Variants in EIF2AK2 observed in about 807,000 individuals in gnomAD.
EIF2AK2 encodes interferon-induced, double-stranded RNA-activated protein kinase.
In EIF2AK2, 40 loss-of-function variants were observed where a neutral mutation model predicts 70.5. The observed-to-expected ratio is 0.57, with a 90% CI of 0.44 to 0.74. EIF2AK2 has a LOEUF of 0.74. EIF2AK2 is among the 30% of genes least tolerant of loss of function. EIF2AK2 has a pLI of 0.00. For missense variants in EIF2AK2, 555 were observed against 644.3 expected (o/e 0.86, Z 1.50); for synonymous variants, 198 against 220.9 (o/e 0.90, Z 0.92).
intron 1 of EIF2AK2, among the ~76,000 whole-genome samples, chr2:37,150,436 AT>A (rs756515370): frequency 6.6e-6 from 1 of 151,860 alleles, no homozygotes; most frequent in African/African-American, 2.4e-5. Flanking sequence ...TTTTTTTTGC[AT>A]TTTTTTCTAC....
chr2:37,107,348 AGGTCG>A lies in EIF2AK2; in HGVS notation c.1576_1580del (p.Arg526Ter). On this transcript the variant is annotated frameshift_variant, in exon 17 of 17. Transcript: ENST00000233057. LOFTEE classifies it low-confidence loss of function (END_TRUNC). Reference sequence around the variant, plus strand: ...AGGTCCTTAGTATTTCAGATGTGTTAGGTCGATCCTCAGGTTTCTTTGAGAGTAAT... The same window carrying A: ...AGGTCCTTAGTATTTCAGATGTGTTAATCCTCAGGTTTCTTTGAGAGTAAT... 6.2e-7 allele frequency: 1 copy of A among 1,614,000 alleles called. No individual in the cohort carries two copies.
chr2:37,139,501 C>T (rs1183146593), intron 6 of EIF2AK2, 130 bp downstream of exon 6: 11 of 1,319,122 alleles, frequency 8.3e-6, no homozygotes, highest in East Asian at 4.7e-5. Context: ...CTCATCGGTA[C>T]GACACAGAAT....
intron 1 of EIF2AK2, among the ~76,000 whole-genome samples, chr2:37,155,939 C>CAA (rs756767460): frequency 3.9e-4 from 43 of 110,806 alleles, no homozygotes; most frequent in African/African-American, 1.4e-3. Context: ...GAATCTGTCT[C>CAA]AAAAAAAAAA....
intron 1 of EIF2AK2, among the ~76,000 whole-genome samples, chr2:37,150,896 T>A (rs1389790438): frequency 6.6e-6 from 1 of 152,184 alleles, no homozygotes; most frequent in East Asian, 1.9e-4. Context: ...AGACCTCTGT[T>A]TATAGGTCTC....
At chr2:37,116,080 G>A (rs966976464) in intron 13 of EIF2AK2, among the ~76,000 whole-genome samples, 1 of 151,876 alleles carries the variant, frequency 6.6e-6, no homozygotes, top group Non-Finnish European at 1.5e-5. Context: ...TGTATTTTTA[G>A]TAGAGACAGA....
chr2:37,117,336 G>A (rs1292015599), intron 13 of EIF2AK2, among the ~76,000 whole-genome samples: 2 of 152,068 alleles, frequency 1.3e-5, no homozygotes, highest in East Asian at 1.9e-4. Context: ...TCAGGAGTTC[G>A]AGACCAACCA....
rs775424182 is a variant in EIF2AK2 at position 37,100,591 on chromosome 2, T to C, written c.*6682A>G. 6.6e-6 allele frequency: 1 copy of C among 152,246 alleles called. No homozygotes were observed. The highest frequency in any genetic ancestry group is 2.4e-5 in the African/African-American group (1 of 41,466). 9.4% of individuals were successfully genotyped at this position (152,246 alleles called of 1,614,324 possible). On this transcript the variant is annotated 3_prime_UTR_variant, in exon 17 of 17. Coordinates refer to ENST00000233057, the MANE Select transcript of EIF2AK2 (RefSeq NM_001135651.3). ...TGTGATTCCCTTCATCTATGACTAT[T>C]TTTAAGAAATGTAAGATTTGGATAA... is the stretch of plus-strand genomic sequence containing the variant.
Position 37,114,671 on chromosome 2 carries a change from C to A in EIF2AK2, c.1377+60G>T, listed in dbSNP as rs992108572. The A allele has an allele frequency of 4.9e-6, 7 of 1,419,830 alleles. No homozygotes were observed. The Admixed American group carries it at 1.6e-4, about 32-fold the overall frequency. The allele number at this position is 1,419,830 out of a possible 1,614,324, so 88.0% of individuals were successfully genotyped here. A position where few individuals can be genotyped will look rare whatever the true frequency, so the allele number is the denominator to read the frequency against. On this transcript the variant is annotated intron_variant, in intron 14 of 16. Coordinates refer to ENST00000233057, the MANE Select transcript of EIF2AK2 (RefSeq NM_001135651.3). The stretch of plus-strand genomic sequence containing the variant: ...TTTAATTATATAAGTAGTGTCTACT[C>A]TTTTTATAATTTTCAAAATAAAAGA...
rs2148659594 is a variant in EIF2AK2, at chr2:37,104,674, C to T, written c.*2599G>A. On this transcript the variant is annotated 3_prime_UTR_variant, in exon 17 of 17. Coordinates refer to ENST00000233057, the MANE Select transcript of EIF2AK2 (RefSeq NM_001135651.3). ...TAAAGATTCAAACATTGCATTTGGT[C>T]ATTGTATCTTACAAGTCTCTCCCCT... 1 of 151,718 alleles carries T rather than the reference C, an allele frequency of 6.6e-6. No homozygotes were observed. The highest frequency in any genetic ancestry group is 6.6e-5 in the Admixed American group (1 of 15,226). 9.4% of individuals were successfully genotyped at this position (151,718 alleles called of 1,614,324 possible).
intron 2 of EIF2AK2, chr2:37,148,595 T>G: frequency 1.2e-6 from 1 of 830,774 alleles, no homozygotes; most frequent in South Asian, 1.3e-5. Flanking sequence ...CTACTATACT[T>G]GTCACACAGG....
At chr2:37,145,069 T>C (rs1463946184) in intron 4 of EIF2AK2, among the ~76,000 whole-genome samples, 1 of 151,732 alleles carries the variant, frequency 6.6e-6, no homozygotes, top group Admixed American at 6.6e-5. Context: ...GAAAAAAGCT[T>C]ATAGAATAAA....
intron 4 of EIF2AK2, among the ~76,000 whole-genome samples, chr2:37,145,754 T>G (rs865910039): frequency 3.2e-3 from 23 of 7,164 alleles, no homozygotes; most frequent in African/African-American, 5.7e-3. Context: ...TTTTTTTTTT[T>G]TTTTTTTTTT....
intron 14 of EIF2AK2, 177 bp from the exon 15 acceptor site, chr2:37,109,472 A>C: frequency 3.6e-6 from 2 of 553,852 alleles, no homozygotes; most frequent in Non-Finnish European, 6.5e-6. Context: ...CGAATAGCTG[A>C]ATCCTCTGTG....
chr2:37,136,998 T>G lies in EIF2AK2; in HGVS notation c.707A>C (p.Gln236Pro), dbSNP rs778662887. 6.2e-7 allele frequency: 1 copy of G among 1,604,698 alleles called. No individual in the cohort carries two copies. The highest frequency in any genetic ancestry group is 2.2e-5 in the East Asian group (1 of 44,588). The change falls in exon 9 of 17, where the codon CAA becomes CCA. Residue 236 changes from glutamine to proline, a missense_variant. By Grantham distance (76) the Gln-to-Pro change is moderately conservative (BLOSUM62 -1). Coordinates refer to ENST00000233057, the MANE Select transcript of EIF2AK2 (RefSeq NM_001135651.3). ...SLLMNGLRNN[Q>P]RKAKRSLAPR... ...TGATACTCACCTTTTTGCCTTCCTTTGATTATTTCTGAGACCATTCTATAA... is the reference window on the plus strand; with the variant it reads ...TGATACTCACCTTTTTGCCTTCCTTGGATTATTTCTGAGACCATTCTATAA...
chr2:37,126,512 A>G (rs1392556725), intron 10 of EIF2AK2, 101 bp from the exon 11 acceptor site: 3 of 1,481,094 alleles, frequency 2.0e-6, no homozygotes, highest in Non-Finnish European at 2.7e-6. Context: ...GAAATGGACA[A>G]TAAAACAAAT....
At chr2:37,108,655 C>T (rs900656239) in intron 15 of EIF2AK2, among the ~76,000 whole-genome samples, 2 of 152,086 alleles carry the variant, frequency 1.3e-5, no homozygotes, top group African/African-American at 4.8e-5. Flanking sequence ...CTGCAACCTC[C>T]GCCTCCCAGG....
Position 37,100,336 on chromosome 2 carries a change from C to T in EIF2AK2, c.*6937G>A, listed in dbSNP as rs1056022446. ...GCCCAGTGAATCTCATTTTAGACTT[C>T]TGGCCTCCAGAACAGAAAGAGAATA... On this transcript the variant is annotated 3_prime_UTR_variant, in exon 17 of 17. Transcript: ENST00000233057. 2 of 152,212 alleles carry T rather than the reference C, an allele frequency of 1.3e-5. No homozygotes were observed. Among genetic ancestry groups the T allele is most frequent in the African/African-American group, 4.8e-5 (2 of 41,458 alleles). The allele number at this position is 152,212 out of a possible 1,614,324, so 9.4% of individuals were successfully genotyped here.
chr2:37,127,601 G>A (rs541850875), intron 10 of EIF2AK2, among the ~76,000 whole-genome samples: 1 of 151,728 alleles, frequency 6.6e-6, no homozygotes, highest in East Asian at 1.9e-4. Flanking sequence ...CTTCCACCTA[G>A]CACCCACTGC....
At chr2:37,123,994 G>A (rs1025781300) in intron 11 of EIF2AK2, among the ~76,000 whole-genome samples, 9 of 148,066 alleles carry the variant, frequency 6.1e-5, no homozygotes, top group African/African-American at 2.3e-4. Context: ...TTTTGAGACA[G>A]GGTCTCACTC....
Sources: allele counts gnomAD v4.1 joint callset (sites outside exome capture counted in the v4.1 genomes callset), GRCh38; gene constraint gnomAD v4.1.1; transcripts MANE v1.5; gene names NCBI Gene and HGNC (gene_info 2026-07-23, HGNC 2026-07-21).